MTUS2: variants seen among roughly 807,000 people sequenced by gnomAD.
MTUS2 encodes the protein microtubule associated scaffold protein 2.
A neutral mutation model predicts 114.1 loss-of-function variants in MTUS2; 40 were observed. The ratio of observed to expected loss-of-function variants is 0.35; its 90% CI spans 0.27 to 0.46. MTUS2 has a LOEUF of 0.46. Ranked by LOEUF, MTUS2 falls within the 20% of genes least tolerant of loss-of-function variation. The pLI is 1.00. For missense variants in MTUS2, 1,679 were observed against 1,705.4 expected (o/e 0.98, Z 0.27); for synonymous variants, 688 against 672.0 (o/e 1.02, Z -0.37).
rs2139033403 is a variant in MTUS2 at position 29,503,268 on chromosome 13, C to A, written c.*62C>A. On this transcript the variant is annotated 3_prime_UTR_variant, in exon 16 of 16. Transcript: ENST00000612955. ...TCCTCCGGTCTCCACCCTGAGGGAG[C>A]ACCGACCCGGTGCCGCCGGAGCTGG... The A allele has an allele frequency of 7.6e-6, 12 of 1,577,560 alleles. No homozygotes were observed. In the South Asian group the frequency reaches 7.8e-5, roughly 10 times the overall value.
chr13:28,924,918 A>G (rs765283610), intron 2 of MTUS2, among the ~76,000 whole-genome samples: 32 of 152,100 alleles, frequency 2.1e-4, no homozygotes, highest in Non-Finnish European at 3.8e-4. Context: ...GGGTACACAC[A>G]TCGCCTTCTG....
At chr13:29,375,729 G>T (rs1183522829) in intron 8 of MTUS2, among the ~76,000 whole-genome samples, 1 of 148,850 alleles carries the variant, frequency 6.7e-6, no homozygotes, top group Non-Finnish European at 1.5e-5. Context: ...TTCTAAGGGG[G>T]GTTACTCAGT....
rs564451678 is a variant in MTUS2 at position 29,210,222 on chromosome 13, C to T, written c.2645-71482C>T. Among the ~76,000 whole-genome samples the T allele has an allele frequency of 4.6e-5, 7 of 152,088 alleles. 1 individual carries two copies. The South Asian group carries it at 1.0e-3, about 23-fold the overall frequency. On this transcript the variant is annotated intron_variant, in intron 5 of 15. Transcript: ENST00000612955. ...TCTGCTTGTTTGATTCTGTTGTTGA[C>T]ACTTTCCAGTGTATTTTGTGTTTCT...
At chr13:29,321,231 C>T (rs752213525) in intron 6 of MTUS2, among the ~76,000 whole-genome samples, 1 of 152,116 alleles carries the variant, frequency 6.6e-6, no homozygotes, top group Non-Finnish European at 1.5e-5. Flanking sequence ...TGAGGCTGCA[C>T]TGGGGATACC....
At chr13:29,204,462 T>C (rs7339027) in intron 5 of MTUS2, among the ~76,000 whole-genome samples, 3,784 of 152,272 alleles carry the variant, frequency 0.025, 151 homozygotes, top group African/African-American at 0.086. Context: ...GTGGCCTGTT[T>C]GGAAAGCACC....
chr13:28,997,281 C>G (rs867286232), intron 2 of MTUS2, among the ~76,000 whole-genome samples: 110 of 152,170 alleles, frequency 7.2e-4, no homozygotes, highest in South Asian at 1.2e-3. Flanking sequence ...AATTTCTGTT[C>G]TTTTACATTT....
chr13:28,945,277 A>G (rs957587540), intron 2 of MTUS2, among the ~76,000 whole-genome samples: 3 of 130,330 alleles, frequency 2.3e-5, no homozygotes, highest in Non-Finnish European at 3.3e-5. Context: ...TAGTGCTATA[A>G]TAAACATACG....
At chr13:28,888,426 T>TC (rs1878719385) in intron 2 of MTUS2, among the ~76,000 whole-genome samples, 1 of 150,774 alleles carries the variant, frequency 6.6e-6, no homozygotes. Context: ...CATCTTTTTT[T>TC]TTTTTTTTTT....
intron 8 of MTUS2, among the ~76,000 whole-genome samples, chr13:29,383,248 G>GTATATATATATATATTTATTTATT (rs1361530154): frequency 0.05 from 3,180 of 63,200 alleles, 55 homozygotes; most frequent in East Asian, 0.13. Flanking sequence ...GTGTGTGTGT[G>GTATATATATATATATTTATTTATT]TGTGTATTTA....
chr13:28,824,157 C>T (rs1302574642), intron 1 of MTUS2, among the ~76,000 whole-genome samples: 1 of 152,156 alleles, frequency 6.6e-6, no homozygotes, highest in Non-Finnish European at 1.5e-5. Flanking sequence ...CTCAAGGCTG[C>T]CCCAAAGAAT....
chr13:29,348,605 C>A (rs1270836326), intron 7 of MTUS2, among the ~76,000 whole-genome samples: 1 of 152,170 alleles, frequency 6.6e-6, no homozygotes, highest in Non-Finnish European at 1.5e-5. Context: ...GTATTCTATA[C>A]CCTTACTGAT....
intron 5 of MTUS2, among the ~76,000 whole-genome samples, chr13:29,193,755 T>C (rs1245190965): frequency 6.6e-6 from 1 of 152,050 alleles, no homozygotes; most frequent in Non-Finnish European, 1.5e-5. Context: ...TTAAAGTTCA[T>C]GTGGAACCAA....
intron 8 of MTUS2, among the ~76,000 whole-genome samples, chr13:29,397,283 C>CT (rs1469190596): frequency 6.6e-6 from 1 of 152,206 alleles, no homozygotes; most frequent in Non-Finnish European, 1.5e-5. Flanking sequence ...GCCTCACTCT[C>CT]TACCACTCTT....
intron 8 of MTUS2, among the ~76,000 whole-genome samples, chr13:29,412,970 G>A (rs1875376083): frequency 6.6e-6 from 1 of 152,120 alleles, no homozygotes; most frequent in Non-Finnish European, 1.5e-5. Context: ...CATCTTAAAA[G>A]CCAGCAACGG....
At chr13:29,312,463 C>T (rs1244789398) in intron 6 of MTUS2, among the ~76,000 whole-genome samples, 1 of 152,152 alleles carries the variant, frequency 6.6e-6, no homozygotes, top group East Asian at 1.9e-4. Context: ...AATATGAGGA[C>T]ACTTAATACT....
chr13:29,409,692 A>T, intron 8 of MTUS2, among the ~76,000 whole-genome samples: 1 of 152,136 alleles, frequency 6.6e-6, no homozygotes, highest in East Asian at 1.9e-4. Flanking sequence ...TACACAAAAG[A>T]TAGGATACTA....
rs942980275 is a variant in MTUS2 at position 29,505,141 on chromosome 13, C to T, written c.*1935C>T. ...AGTTGGGCATTCCATTAGAGTAGAT[C>T]TTGCCACATTGACTAAATACACAAG... On this transcript the variant is annotated 3_prime_UTR_variant, in exon 16 of 16. Transcript: ENST00000612955. 4.3e-6 allele frequency: 1 copy of T among 232,298 alleles called. No individual in the cohort carries two copies. Among genetic ancestry groups the T allele is most frequent in the Admixed American group, 5.6e-5 (1 of 17,728 alleles). The allele number at this position is 232,298 out of a possible 1,614,324, so 14.4% of individuals were successfully genotyped here.
chr13:28,990,980 T>G (rs1884823119), intron 2 of MTUS2, among the ~76,000 whole-genome samples: 1 of 152,162 alleles, frequency 6.6e-6, no homozygotes, highest in Admixed American at 6.5e-5. Context: ...GCGGCTTCAT[T>G]CTTGAAGTCA....
intron 4 of MTUS2, among the ~76,000 whole-genome samples, chr13:29,039,068 C>T (rs1014827437): frequency 6.6e-6 from 1 of 152,238 alleles, no homozygotes; most frequent in Non-Finnish European, 1.5e-5. Context: ...TGGATAGACC[C>T]AGCCAGGAGG....
Sources: allele counts gnomAD v4.1 joint callset (sites outside exome capture counted in the v4.1 genomes callset), GRCh38; gene constraint gnomAD v4.1.1; transcripts MANE v1.5; gene names NCBI Gene and HGNC (gene_info 2026-07-23, HGNC 2026-07-21).